The following YES1 variants were observed in gnomAD, a reference collection of about 807,000 sequenced individuals.
YES1 encodes YES proto-oncogene 1, Src family tyrosine kinase.
Under a neutral mutation model 70.4 loss-of-function variants are expected in YES1, and 39 were observed. The ratio of observed to expected loss-of-function variants is 0.55; its 90% CI spans 0.43 to 0.72. The LOEUF is 0.72. Among genes scored for constraint, YES1 ranks in the 30% least tolerant of loss-of-function variants. The pLI, the probability that YES1 is intolerant of heterozygous loss-of-function variation, is 0.00. For synonymous variants in YES1, 198 were observed against 218.6 expected (o/e 0.91, Z 0.83); for missense variants, 495 against 644.8 (o/e 0.77, Z 2.52).
chr18:726,781 C>CAAAAAAAAAAAAA (rs58322434), intron 11 of YES1, among the ~76,000 whole-genome samples: 7 of 47,248 alleles, frequency 1.5e-4, no homozygotes, highest in Non-Finnish European at 1.8e-4. Context: ...ACTCTTGTCT[C>CAAAAAAAAAAAAA]AAAAAAAAAA....
At position 756,213 on chromosome 18, in the gene YES1, C is replaced by A. The variant is rs190639547; in HGVS notation, c.271+344G>T. On this transcript the variant is annotated intron_variant, in intron 2 of 11. Transcript: ENST00000314574. ...TTAATACTGCAAAGTACTTTACAAT[C>A]CTGAGAAGTTGTCAAATTCTTGAGG... Among the ~76,000 whole-genome samples, 3 of 151,886 alleles carry A rather than the reference C, an allele frequency of 2.0e-5. No individual in the cohort carries two copies. The East Asian group carries it at 5.8e-4, about 29-fold the overall frequency.
intron 9 of YES1, chr18:737,179 G>A (rs2080163685): frequency 2.2e-6 from 1 of 463,330 alleles, no homozygotes; most frequent in Non-Finnish European, 3.8e-6. Flanking sequence ...CTGGCTGGGT[G>A]CGGTGGCCCA....
Position 759,139 on chromosome 18 carries a change from A to G in YES1, c.-8-2304T>C, listed in dbSNP as rs557596573. ...TTTTAGATCACTCTCTTAAATTGGT[A>G]TATTCTAAAGATGTGAGTTAACTAT... On this transcript the variant is annotated intron_variant, in intron 1 of 11. Transcript: ENST00000314574. 1.8e-4 allele frequency among the ~76,000 whole-genome samples: 28 copies of G among 152,350 alleles called. No individual in the cohort carries two copies. In the East Asian group the frequency reaches 5.4e-3, roughly 29 times the overall value.
rs557073829 is a variant in YES1 at position 757,359 on chromosome 18, C to T, written c.-8-524G>A. Among the ~76,000 whole-genome samples the T allele has an allele frequency of 4.8e-3, 734 of 151,888 alleles. 3 individuals carry two copies. Among genetic ancestry groups the T allele is most frequent in the African/African-American group, 0.016 (667 of 41,384 alleles). ...TCTACTAAAAATGCAAAAAATTAGC[C>T]GGGCGTGGTGGTGGGCGCCTGTAGT... On this transcript the variant is annotated intron_variant, in intron 1 of 11. Transcript: ENST00000314574.
At chr18:811,676 C>A (rs1191991518) in intron 1 of YES1, among the ~76,000 whole-genome samples, 2 of 152,258 alleles carry the variant, frequency 1.3e-5, no homozygotes, top group African/African-American at 4.8e-5. Flanking sequence ...CCTCTCCCCG[C>A]ACAGCTGCTA....
chr18:762,088 G>C (rs981807444), intron 1 of YES1, among the ~76,000 whole-genome samples: 5 of 148,692 alleles, frequency 3.4e-5, no homozygotes, highest in African/African-American at 1.2e-4. Context: ...TGGGAGGCCA[G>C]GGTGGGCGGA....
chr18:762,544 TAAAAA>T (rs1568203048), intron 1 of YES1, among the ~76,000 whole-genome samples: 1 of 151,502 alleles, frequency 6.6e-6, no homozygotes, highest in Non-Finnish European at 1.5e-5. Context: ...TCCCCCAAAA[TAAAAA>T]AATAAAACAT....
intron 8 of YES1, among the ~76,000 whole-genome samples, chr18:740,069 G>T (rs924733747): frequency 6.6e-6 from 1 of 152,122 alleles, no homozygotes; most frequent in African/African-American, 2.4e-5. Flanking sequence ...TTTTTTCCTC[G>T]CTTTGATCAA....
intron 1 of YES1, among the ~76,000 whole-genome samples, chr18:810,599 G>A (rs1240226665): frequency 6.6e-6 from 1 of 152,090 alleles, no homozygotes; most frequent in South Asian, 2.1e-4. Context: ...CTGGAAACAT[G>A]GATATAAACT....
intron 1 of YES1, among the ~76,000 whole-genome samples, chr18:809,294 T>A (rs2145847699): frequency 6.6e-6 from 1 of 152,276 alleles, no homozygotes. Context: ...TATTGTACAT[T>A]TCGGAGTATT....
At chr18:784,197 A>G (rs1352786345) in intron 1 of YES1, among the ~76,000 whole-genome samples, 1 of 152,210 alleles carries the variant, frequency 6.6e-6, no homozygotes, top group Admixed American at 6.5e-5. Context: ...ATGAATAATT[A>G]TTGTTTTCAT....
At chr18:807,964 C>A (rs1907182313) in intron 1 of YES1, among the ~76,000 whole-genome samples, 1 of 152,128 alleles carries the variant, frequency 6.6e-6, no homozygotes, top group South Asian at 2.1e-4. Flanking sequence ...TACATTTGAA[C>A]AAGAGAAACT....
intron 2 of YES1, among the ~76,000 whole-genome samples, chr18:753,048 T>C (rs898559771): frequency 2.0e-5 from 3 of 152,198 alleles, no homozygotes; most frequent in African/African-American, 7.2e-5. Context: ...GAGATTAGCA[T>C]ACTGAACAGC....
chr18:804,609 C>CAAAAA (rs57896154), intron 1 of YES1, among the ~76,000 whole-genome samples: 4 of 38,766 alleles, frequency 1.0e-4, no homozygotes, highest in Non-Finnish European at 1.5e-4. Context: ...GACTGAGTCT[C>CAAAAA]AAAAAAAAAA....
chr18:809,867 T>C (rs1478994624), intron 1 of YES1, among the ~76,000 whole-genome samples: 1 of 152,102 alleles, frequency 6.6e-6, no homozygotes, highest in Non-Finnish European at 1.5e-5. Flanking sequence ...CCTTGGTAAC[T>C]CCTACCAGGT....
intron 1 of YES1, among the ~76,000 whole-genome samples, chr18:799,099 T>C (rs945587366): frequency 6.6e-6 from 1 of 152,220 alleles, no homozygotes; most frequent in East Asian, 1.9e-4. Context: ...ATACCAATAC[T>C]GTAACCCGAA....
At chr18:799,232 A>G (rs1170578550) in intron 1 of YES1, among the ~76,000 whole-genome samples, 1 of 152,218 alleles carries the variant, frequency 6.6e-6, no homozygotes, top group Non-Finnish European at 1.5e-5. Flanking sequence ...CTTCTGTGAC[A>G]GAGATAATTA....
intron 1 of YES1, among the ~76,000 whole-genome samples, chr18:769,988 T>C (rs7241258): frequency 0.36 from 53,496 of 150,424 alleles, 10,390 homozygotes; most frequent in African/African-American, 0.5. Context: ...AGTCTTGCTC[T>C]ATCGCCCAGA....
At chr18:761,242 TA>T (rs79610931) in intron 1 of YES1, among the ~76,000 whole-genome samples, 1,425 of 132,038 alleles carry the variant, frequency 0.011, 2 homozygotes, top group Admixed American at 0.011. Flanking sequence ...CTTTGCCGTT[TA>T]AAAAAAAAAA....
Sources: allele counts gnomAD v4.1 joint callset (sites outside exome capture counted in the v4.1 genomes callset), GRCh38; gene constraint gnomAD v4.1.1; transcripts MANE v1.5; gene names NCBI Gene and HGNC (gene_info 2026-07-23, HGNC 2026-07-21).